ERAL1: variants seen among roughly 807,000 people sequenced by gnomAD.
The protein encoded by ERAL1 is Era like 12S mitochondrial rRNA chaperone 1.
A neutral mutation model predicts 53.6 loss-of-function variants in ERAL1; 36 were observed. That is an observed-to-expected ratio of 0.67 (90% CI 0.51 to 0.89). ERAL1 has a LOEUF of 0.89. Ranked by LOEUF, ERAL1 falls within the 40% of genes least tolerant of loss-of-function variation. The pLI is 0.00. For missense variants in ERAL1, 512 were observed against 537.5 expected (o/e 0.95, Z 0.47); for synonymous variants, 215 against 211.8 (o/e 1.02, Z -0.13).
Position 28,858,983 on chromosome 17 carries a change from C to T in ERAL1, c.980C>T (p.Ala327Val). ...KTLKQYLLTQ[A>V]QPGPWEYHSA... is the part of the protein sequence containing the mutation. Reference sequence around the variant, plus strand: ...CCACAGCAATACCTTCTGACACAGGCCCAGCCAGGGCCCTGGGAGTACCAC... The same window carrying T: ...CCACAGCAATACCTTCTGACACAGGTCCAGCCAGGGCCCTGGGAGTACCAC... Residue 327 changes from alanine to valine, a missense_variant, in exon 8 of 10, where the codon GCC (alanine) becomes GTC (valine). Ala to Val is a moderately conservative substitution (Grantham distance 64). Transcript: ENST00000254928. The T allele has an allele frequency of 6.2e-7, 1 of 1,614,134 alleles. No individual in the cohort carries two copies. The highest frequency in any genetic ancestry group is 8.5e-7 in the Non-Finnish European group (1 of 1,180,034).
rs1228288979 is a variant in ERAL1 at position 28,855,064 on chromosome 17, G to T, written c.30G>T (p.Arg10Ser). Reference sequence around the variant, plus strand: ...CTGCCCCCAGCTGGCGCGGGGCTAGGCTTGTTCAATCGGTGTTAAGAGTCT... The same window carrying T: ...CTGCCCCCAGCTGGCGCGGGGCTAGTCTTGTTCAATCGGTGTTAAGAGTCT... MAAPSWRGARLVQSVLRVWQ... is the reference protein window; with the variant it reads MAAPSWRGASLVQSVLRVWQ... Residue 10 changes from arginine to serine, a missense_variant, in exon 1 of 10, where the codon AGG becomes AGT. Transcript: ENST00000254928. 14 of 1,611,226 alleles carry T rather than the reference G, an allele frequency of 8.7e-6. No homozygotes were observed. The highest frequency in any genetic ancestry group is 1.2e-5 in the Non-Finnish European group (14 of 1,178,050).
intron 1 of ERAL1, 71 bp downstream of exon 1, chr17:28,855,388 C>A: frequency 1.4e-6 from 2 of 1,473,196 alleles, no homozygotes; most frequent in Non-Finnish European, 9.0e-7. Context: ...GGGATACTGT[C>A]TTTGATTCTA....
chr17:28,859,647 C>G (rs2039282890), intron 9 of ERAL1, among the ~76,000 whole-genome samples: 1 of 151,898 alleles, frequency 6.6e-6, no homozygotes, highest in African/African-American at 2.4e-5. Flanking sequence ...TCAAGTGATT[C>G]TCCTGCCTCA....
At position 28,860,893 on chromosome 17, in the gene ERAL1, A is replaced by G; in HGVS notation, c.*340A>G. 1 of 190,416 alleles carries G rather than the reference A, an allele frequency of 5.3e-6. No individual in the cohort carries two copies. The highest frequency in any genetic ancestry group is 1.1e-5 in the Non-Finnish European group (1 of 94,100). 11.8% of individuals were successfully genotyped at this position (190,416 alleles called of 1,614,324 possible). On this transcript the variant is annotated 3_prime_UTR_variant, in exon 10 of 10. Coordinates refer to ENST00000254928, the MANE Select transcript of ERAL1 (RefSeq NM_005702.4). ...TTCTCCCTGAGTCGCTGTTGCTAGCAGGGAGATTTCTCTTCCTGCCCTCAC... is the reference window on the plus strand; with the variant it reads ...TTCTCCCTGAGTCGCTGTTGCTAGCGGGGAGATTTCTCTTCCTGCCCTCAC...
At chr17:28,859,771 C>T (rs1220230875) in intron 9 of ERAL1, among the ~76,000 whole-genome samples, 7 of 151,918 alleles carry the variant, frequency 4.6e-5, no homozygotes, top group Non-Finnish European at 1.0e-4. Context: ...AACGCTTGAC[C>T]TCAAATTGTC....
chr17:28,855,268 G>C lies in ERAL1; in HGVS notation c.234G>C (p.Gln78His), dbSNP rs769894882. Reference protein sequence around the residue: ...SALDHFLGFSQPDSSVTPCVP... With the variant: ...SALDHFLGFSHPDSSVTPCVP... ...TGGACCACTTCCTCGGATTCTCTCAGCCCGACAGTTCGGTGACTCCTTGCG... is the reference window on the plus strand; with the variant it reads ...TGGACCACTTCCTCGGATTCTCTCACCCCGACAGTTCGGTGACTCCTTGCG... Residue 78 changes from glutamine to histidine, a missense_variant, in exon 1 of 10, where the codon CAG (glutamine) becomes CAC (histidine). Transcript: ENST00000254928. 1 of 1,611,186 alleles carries C rather than the reference G, an allele frequency of 6.2e-7. No individual in the cohort carries two copies. The highest frequency in any genetic ancestry group is 1.7e-5 in the Admixed American group (1 of 59,526).
intron 3 of ERAL1, 146 bp downstream of exon 3, chr17:28,856,728 T>G (rs1409487646): frequency 1.4e-6 from 1 of 703,262 alleles, no homozygotes; most frequent in East Asian, 2.9e-5. Flanking sequence ...TTTTTTTTTT[T>G]TGAGATGGAG....
At chr17:28,859,327 G>T in intron 9 of ERAL1, 44 bp downstream of exon 9, 1 of 1,592,720 alleles carries the variant, frequency 6.3e-7, no homozygotes, top group Non-Finnish European at 8.6e-7. Context: ...ACTATGTTAG[G>T]CAGGAGTTCT....
At position 28,860,487 on chromosome 17, in the gene ERAL1, C is replaced by G. The variant is rs1373576982; in HGVS notation, c.1248C>G (p.Gly416=). ...HVISQIAQEA[G]HDLMDIFLCD... ...TCTCCCAGATAGCACAGGAGGCAGG[C>G]CATGACCTCATGGACATCTTCCTCT... The change falls in exon 10 of 10, where the codon GGC becomes GGG. Residue 416 remains glycine, a synonymous_variant. Coordinates refer to ENST00000254928, the MANE Select transcript of ERAL1 (RefSeq NM_005702.4). 7 of 1,609,176 alleles carry G rather than the reference C, an allele frequency of 4.4e-6. No homozygotes were observed. The East Asian group carries it at 1.6e-4, about 36-fold the overall frequency.
chr17:28,856,263 G>A lies in ERAL1; in HGVS notation c.284-1G>A, dbSNP rs1180592465. 9 of 1,613,966 alleles carry A rather than the reference G, an allele frequency of 5.6e-6. No individual in the cohort carries two copies. Among genetic ancestry groups the A allele is most frequent in the Non-Finnish European group, 7.6e-6 (9 of 1,179,904 alleles). On this transcript the variant is annotated splice_acceptor_variant, in intron 1 of 9. Transcript: ENST00000254928. LOFTEE classifies it high-confidence loss of function. ...TCATGCTTCTTCCCACTTGCACATA[G>A]ATGAGCAGGATGTCCTCTTGGTCCA... is the stretch of plus-strand genomic sequence containing the variant.
chr17:28,859,736 CACCATCTTGGCCAGGCTGGCTTCGA>C (rs1353837743), intron 9 of ERAL1, among the ~76,000 whole-genome samples: 1 of 151,726 alleles, frequency 6.6e-6, no homozygotes, highest in African/African-American at 2.4e-5. Context: ...GATGGGGTTT[CACCATCTTGGCCAGGCTGGCTTCGA>C]ACGCTTGACC....
rs777660101 is a variant in ERAL1, at chr17:28,855,231, A to C, written c.197A>C (p.Gln66Pro). 2 of 1,614,126 alleles carry C rather than the reference A, an allele frequency of 1.2e-6. No homozygotes were observed. Among genetic ancestry groups the C allele is most frequent in the Non-Finnish European group, 1.7e-6 (2 of 1,180,054 alleles). ...GCCTCGGCTTCTCGCAGTAATGGCC[A>C]GGGCTCTGCCCTGGACCACTTCCTC... The part of the protein sequence containing the change: ...RLASASRSNG[Q>P]GSALDHFLGF... Residue 66 changes from glutamine to proline, a missense_variant, in exon 1 of 10, where the codon CAG becomes CCG. Coordinates refer to ENST00000254928, the MANE Select transcript of ERAL1 (RefSeq NM_005702.4).
intron 5 of ERAL1, 58 bp from the exon 6 acceptor site, chr17:28,858,316 A>G: frequency 6.2e-7 from 1 of 1,609,948 alleles, no homozygotes; most frequent in Non-Finnish European, 8.5e-7. Context: ...AGTTTTTGTC[A>G]GGGCAGGAGG....
rs753869862 is a variant in ERAL1 at position 28,856,526 on chromosome 17, G to T, written c.433G>T (p.Val145Leu). Residue 145 changes from valine to leucine, a missense_variant, in exon 3 of 10, where the codon GTG becomes TTG. Coordinates refer to ENST00000254928, the MANE Select transcript of ERAL1 (RefSeq NM_005702.4). Reference protein sequence around the residue: ...GRKVFPVSRKVHTTRCQALGV... With the variant: ...GRKVFPVSRKLHTTRCQALGV... Reference sequence around the variant, plus strand: ...GCAGGTGTTCCCTGTTTCCAGGAAGGTGCATACTACTCGCTGCCAAGCTCT... The same window carrying T: ...GCAGGTGTTCCCTGTTTCCAGGAAGTTGCATACTACTCGCTGCCAAGCTCT... The T allele has an allele frequency of 3.1e-6, 5 of 1,613,754 alleles. No individual in the cohort carries two copies. The African/African-American group carries it at 5.3e-5, about 17-fold the overall frequency.
At chr17:28,858,546 A>G in intron 6 of ERAL1, 30 bp from the exon 7 acceptor site, 4 of 1,614,042 alleles carry the variant, frequency 2.5e-6, no homozygotes, top group African/African-American at 1.3e-5. Flanking sequence ...ATCTCTGACC[A>G]CACACCCTTT....
intron 5 of ERAL1, 26 bp downstream of exon 5, chr17:28,858,233 G>A (rs769643349): frequency 3.1e-6 from 5 of 1,613,428 alleles, no homozygotes; most frequent in Non-Finnish European, 3.4e-6. Flanking sequence ...GGAACCTTAA[G>A]CCCAGTTTAC....
At position 28,859,075 on chromosome 17, in the gene ERAL1, G is replaced by A. The variant is rs2039276489; in HGVS notation, c.1072G>A (p.Glu358Lys). ...CAACATTATCCGAGAGAAGCTCCTA[G>A]AACACCTGCCCCAGGAGGTGCCTTA... ...CANIIREKLL[E>K]HLPQEVPYNV... Residue 358 changes from glutamate to lysine, a missense_variant, in exon 8 of 10, where the codon GAA (glutamate) becomes AAA (lysine). Coordinates refer to ENST00000254928, the MANE Select transcript of ERAL1 (RefSeq NM_005702.4). The A allele has an allele frequency of 1.2e-6, 2 of 1,614,138 alleles. No individual in the cohort carries two copies. Among genetic ancestry groups the A allele is most frequent in the African/African-American group, 1.3e-5 (1 of 75,052 alleles).
chr17:28,859,415 G>A, intron 9 of ERAL1, 132 bp downstream of exon 9: 2 of 830,232 alleles, frequency 2.4e-6, no homozygotes, highest in Non-Finnish European at 3.7e-6. Context: ...TTTTGAGACA[G>A]TCTCGCTCTG....
rs369752558 is a variant in ERAL1 at position 28,856,289 on chromosome 17, T to C, written c.309T>C (p.His103=). The C allele has an allele frequency of 5.0e-6, 8 of 1,614,002 alleles. No individual in the cohort carries two copies. The African/African-American group carries it at 1.1e-4, about 22-fold the overall frequency. Residue 103 remains histidine, a synonymous_variant, in exon 2 of 10, where the codon CAT becomes CAC. Transcript: ENST00000254928. ...NRDEQDVLLV[H]HPDMPENSRV... ...ATGAGCAGGATGTCCTCTTGGTCCA[T>C]CACCCTGATATGCCTGAGAATTCCC...
Sources: gnomAD v4.1 joint callset for allele counts (sites outside exome capture counted in the v4.1 genomes callset) on GRCh38, gnomAD v4.1.1 for gene constraint, MANE v1.5 for transcripts, NCBI Gene and HGNC (gene_info 2026-07-23, HGNC 2026-07-21) for gene names.